The following ABCB7 variants were observed in gnomAD, a reference collection of about 807,000 sequenced individuals.
ABCB7 encodes iron-sulfur clusters transporter ABCB7, mitochondrial.
Under a neutral mutation model 54.4 loss-of-function variants are expected in ABCB7, and 7 were observed. That is an observed-to-expected ratio of 0.13 (90% CI 0.07 to 0.24). ABCB7 has a LOEUF of 0.24. Among genes scored for constraint, ABCB7 ranks in the 10% least tolerant of loss-of-function variants. ABCB7 has a pLI of 1.00. For synonymous variants in ABCB7, 218 were observed against 207.1 expected (o/e 1.05, Z -0.45); for missense variants, 356 against 570.4 (o/e 0.62, Z 3.83).
At position 75,060,074 on chromosome X, in the gene ABCB7, C is replaced by A. The variant is rs1331208593; in HGVS notation, c.2043+149G>T. 3.3e-5 allele frequency: 16 copies of A among 480,653 alleles called. No homozygotes were observed. In the South Asian group the frequency reaches 3.8e-4, roughly 11 times the overall value. The allele number at this position is 480,653 out of a possible 1,213,427, so 39.6% of individuals were successfully genotyped here. A position where few individuals can be genotyped will look rare whatever the true frequency, so the allele number is the denominator to read the frequency against. ...TTTATTCCTTCTTGGAAGTGACATG[C>A]ATTATTTCCAATCAAAAGGGGCTAA... On this transcript the variant is annotated intron_variant, in intron 15 of 15. Transcript: ENST00000373394.
At chrX:75,055,466 G>A (rs34531482) in intron 15 of ABCB7, among the ~76,000 whole-genome samples, 1,275 of 103,835 alleles carry the variant, frequency 0.012, 7 homozygotes, top group Non-Finnish European at 0.017. Context: ...CAGTTCTTTG[G>A]GAGGCCGAGA....
intron 4 of ABCB7, among the ~76,000 whole-genome samples, chrX:75,098,450 T>C (rs1303925735): frequency 8.9e-6 from 1 of 111,931 alleles, no homozygotes; most frequent in Non-Finnish European, 1.9e-5. Context: ...AGAGGGCTCC[T>C]ATACTGAACG....
At position 75,112,762 on chromosome X, in the gene ABCB7, A is replaced by G. The variant is rs1250870964; in HGVS notation, c.333+124T>C. ...GGTCAATTAATATGTTTTTTTTTTC[A>G]TTAGAGAACATGCAGTTAGATGAGT... On this transcript the variant is annotated intron_variant, in intron 3 of 15. Transcript: ENST00000373394. The G allele has an allele frequency of 1.5e-4, 75 of 486,079 alleles. No homozygotes were observed. In the African/African-American group the frequency reaches 1.7e-3, roughly 11 times the overall value. 40.1% of individuals were successfully genotyped at this position (486,079 alleles called of 1,213,427 possible).
intron 1 of ABCB7, among the ~76,000 whole-genome samples, chrX:75,116,887 G>A (rs2081825756): frequency 9.0e-6 from 1 of 110,745 alleles, no homozygotes; most frequent in Non-Finnish European, 1.9e-5. Flanking sequence ...AGCGACAAGA[G>A]TAATCTTGGG....
chrX:75,147,332 G>A (rs2082099026), intron 1 of ABCB7, among the ~76,000 whole-genome samples: 1 of 111,264 alleles, frequency 9.0e-6, no homozygotes, highest in Non-Finnish European at 1.9e-5. Context: ...TGTACCCCAA[G>A]GAATATAAAT....
chrX:75,060,370 A>G, intron 14 of ABCB7, 40 bp from the exon 15 acceptor site: 1 of 981,984 alleles, frequency 1.0e-6, no homozygotes, highest in Non-Finnish European at 1.5e-6. Flanking sequence ...GAAAATAAAA[A>G]GAAGTACACA....
chrX:75,127,507 G>A (rs1264493928), intron 1 of ABCB7, among the ~76,000 whole-genome samples: 1 of 111,821 alleles, frequency 8.9e-6, no homozygotes, highest in African/African-American at 3.3e-5. Flanking sequence ...ACAAGGACAT[G>A]GATGCCCTCT....
intron 3 of ABCB7, among the ~76,000 whole-genome samples, chrX:75,106,377 A>C (rs2081701965): frequency 8.9e-6 from 1 of 112,244 alleles, no homozygotes; most frequent in African/African-American, 3.2e-5. Flanking sequence ...ATCAATAATC[A>C]TCAAAGAAAT....
At chrX:75,076,229 G>A (rs1411534696) in intron 5 of ABCB7, among the ~76,000 whole-genome samples, 1 of 111,838 alleles carries the variant, frequency 8.9e-6, no homozygotes, top group Non-Finnish European at 1.9e-5. Context: ...TGACCTTTGT[G>A]GAAATGGATG....
rs1238917073 is a variant in ABCB7, at chrX:75,051,131, T to C, written c.*2239A>G. Among the ~76,000 whole-genome samples, 1 of 102,935 alleles carries C rather than the reference T, an allele frequency of 9.7e-6. No individual in the cohort carries two copies. The highest frequency in any genetic ancestry group is 1.9e-5 in the Non-Finnish European group (1 of 51,637). 89.4% of individuals were successfully genotyped at this position (102,935 alleles called of 115,157 possible). Reference sequence around the variant, plus strand: ...ACAACTATGGTTTCAGAGTAAGAAATGTTGAAAAGGAAAAAAAAAAAAAAA... The same window carrying C: ...ACAACTATGGTTTCAGAGTAAGAAACGTTGAAAAGGAAAAAAAAAAAAAAA... On this transcript the variant is annotated 3_prime_UTR_variant, in exon 16 of 16. Transcript: ENST00000373394.
chrX:75,125,974 T>C (rs1317863435), intron 1 of ABCB7, among the ~76,000 whole-genome samples: 1 of 111,293 alleles, frequency 9.0e-6, no homozygotes, highest in African/African-American at 3.3e-5. Flanking sequence ...TCTTTTCAAC[T>C]ACACTTAAAA....
chrX:75,081,982 T>C (rs2081459365), intron 4 of ABCB7, among the ~76,000 whole-genome samples: 1 of 109,587 alleles, frequency 9.1e-6, no homozygotes, highest in Non-Finnish European at 1.9e-5. Flanking sequence ...ACACTTACCA[T>C]CCTTTATTGA....
chrX:75,102,560 T>C (rs1330908675), intron 3 of ABCB7, among the ~76,000 whole-genome samples: 3 of 112,003 alleles, frequency 2.7e-5, no homozygotes, highest in Admixed American at 9.4e-5. Flanking sequence ...TTCCCACTGA[T>C]GGACACTTAG....
Position 75,140,845 on chromosome X carries a change from G to C in ABCB7, c.168+15260C>G, listed in dbSNP as rs181714425. Reference sequence around the variant, plus strand: ...ACACTCAGAGTCAAAAATAAAATTAGAAGAGAATACAAACCAAGACCAAAT... The same window carrying C: ...ACACTCAGAGTCAAAAATAAAATTACAAGAGAATACAAACCAAGACCAAAT... On this transcript the variant is annotated intron_variant, in intron 1 of 15. Transcript: ENST00000373394. Among the ~76,000 whole-genome samples the C allele has an allele frequency of 1.3e-4, 14 of 111,411 alleles. No homozygotes were observed. In the East Asian group the frequency reaches 4.0e-3, roughly 32 times the overall value.
At chrX:75,065,008 C>T in intron 13 of ABCB7, 62 bp downstream of exon 13, 2 of 1,168,477 alleles carry the variant, frequency 1.7e-6, no homozygotes, top group South Asian at 3.7e-5. Context: ...AAAAATGGCT[C>T]TGACAAATTA....
chrX:75,089,834 A>G (rs1237669742), intron 4 of ABCB7, among the ~76,000 whole-genome samples: 2 of 110,696 alleles, frequency 1.8e-5, no homozygotes, highest in Admixed American at 1.9e-4. Context: ...TTAAAAGATG[A>G]TCCAATTACA....
chrX:75,097,350 TCTC>T (rs1178201315), intron 4 of ABCB7: 1 of 111,764 alleles, frequency 8.9e-6, no homozygotes, highest in Non-Finnish European at 1.9e-5. Flanking sequence ...TCAGATGTCA[TCTC>T]CTCTGTGAAA....
intron 1 of ABCB7, among the ~76,000 whole-genome samples, chrX:75,147,117 A>C (rs1483734792): frequency 8.9e-6 from 1 of 111,738 alleles, no homozygotes; most frequent in Non-Finnish European, 1.9e-5. Context: ...TCACAACAAA[A>C]CACCACCTAA....
At chrX:75,076,471 C>T in intron 5 of ABCB7, 51 bp downstream of exon 5, 1 of 1,194,118 alleles carries the variant, frequency 8.4e-7, no homozygotes, top group Non-Finnish European at 1.1e-6. Flanking sequence ...TATGATGAAA[C>T]CTCCTTGAAG....
Sources: gnomAD v4.1 joint callset for allele counts (sites outside exome capture counted in the v4.1 genomes callset) on GRCh38, gnomAD v4.1.1 for gene constraint, MANE v1.5 for transcripts, NCBI Gene and HGNC (gene_info 2026-07-23, HGNC 2026-07-21) for gene names.